Variants in ST6GALNAC6 observed in about 807,000 individuals in gnomAD.
The protein encoded by ST6GALNAC6 is ST6 N-acetylgalactosaminide alpha-2,6-sialyltransferase 6.
In ST6GALNAC6, 19 loss-of-function variants were observed where a neutral mutation model predicts 34.3. That is an observed-to-expected ratio of 0.55 (90% CI 0.39 to 0.81). ST6GALNAC6 has a LOEUF of 0.81. ST6GALNAC6 is among the 40% of genes least tolerant of loss of function. The pLI is 0.00. For synonymous variants in ST6GALNAC6, 185 were observed against 182.1 expected (o/e 1.02, Z -0.13); for missense variants, 377 against 467.7 (o/e 0.81, Z 1.79).
upstream of ST6GALNAC6, among the ~76,000 whole-genome samples, chr9:127,901,569 C>T (rs113801474): frequency 4.3e-3 from 649 of 152,064 alleles, 2 homozygotes; most frequent in African/African-American, 0.015. Flanking sequence ...GAGCCCAGAT[C>T]GTGCCACTGC....
At chr9:127,897,255 G>T in intron 2 of ST6GALNAC6, 1 of 985,968 alleles carries the variant, frequency 1.0e-6, no homozygotes. Context: ...AGACAGGCCG[G>T]GGGCAGGGCG....
intron 2 of ST6GALNAC6, 67 bp from the exon 3 acceptor site, chr9:127,896,399 C>T: frequency 7.4e-7 from 1 of 1,359,370 alleles, no homozygotes. Flanking sequence ...AAGGCTACAC[C>T]TTCTCTGCCC....
chr9:127,896,105 G>C, intron 3 of ST6GALNAC6, 137 bp downstream of exon 3: 1 of 995,620 alleles, frequency 1.0e-6, no homozygotes. Context: ...CTTAAATCTG[G>C]GCCTCCCAGG....
intron 4 of ST6GALNAC6, among the ~76,000 whole-genome samples, chr9:127,892,415 G>A (rs1830202888): frequency 6.6e-6 from 1 of 152,234 alleles, no homozygotes; most frequent in Non-Finnish European, 1.5e-5. Flanking sequence ...AACTGAGACA[G>A]AGGCCTGGAC....
At chr9:127,905,717 C>T (rs1564498303), upstream of ST6GALNAC6, among the ~76,000 whole-genome samples, 1 of 152,210 alleles carries the variant, frequency 6.6e-6, no homozygotes, top group Non-Finnish European at 1.5e-5. Context: ...CTGCTATGTC[C>T]TAAGCCATGG....
upstream of ST6GALNAC6, chr9:127,906,175 A>G (rs573368321): frequency 1.8e-4 from 41 of 231,608 alleles, no homozygotes; most frequent in South Asian, 3.1e-4. Flanking sequence ...GGTCACCCAG[A>G]GCCCCCGGGA....
At chr9:127,893,589 C>T (rs1830274888) in intron 4 of ST6GALNAC6, among the ~76,000 whole-genome samples, 1 of 152,230 alleles carries the variant, frequency 6.6e-6, no homozygotes, top group South Asian at 2.1e-4. Context: ...GGCACTCCCA[C>T]TTTTCTGAGT....
At chr9:127,893,119 A>G (rs1830246731) in intron 4 of ST6GALNAC6, among the ~76,000 whole-genome samples, 1 of 152,228 alleles carries the variant, frequency 6.6e-6, no homozygotes, top group South Asian at 2.1e-4. Context: ...TGAGATGTGA[A>G]GGATGAAGAA....
At position 127,890,075 on chromosome 9, in the gene ST6GALNAC6, G is replaced by C. The variant is rs1170657309; in HGVS notation, c.704+562C>G. On this transcript the variant is annotated intron_variant, in intron 5 of 6. Coordinates refer to ENST00000373146, the MANE Select transcript of ST6GALNAC6 (RefSeq NM_013443.5). The surrounding 1 kb of genome is among the most constrained non-coding windows in gnomAD (Gnocchi z 4.3). ...GCCTCCTGAGTAGCTAGGACTACAG[G>C]TACAAGCCACCGCACACAGCTATTC... 6.6e-6 allele frequency among the ~76,000 whole-genome samples: 1 copy of C among 152,152 alleles called. No individual in the cohort carries two copies. The highest frequency in any genetic ancestry group is 1.5e-5 in the Non-Finnish European group (1 of 68,032).
At chr9:127,902,929 A>T (rs1219007900), upstream of ST6GALNAC6, 1 of 148,972 alleles carries the variant, frequency 6.7e-6, no homozygotes, top group Non-Finnish European at 1.5e-5. Flanking sequence ...TTATATATTT[A>T]AAAATGTATT....
Position 127,890,811 on chromosome 9 carries a change from T to G in ST6GALNAC6, c.530A>C (p.Glu177Ala), listed in dbSNP as rs1430040366. Residue 177 changes from glutamate (E) to alanine (A), a missense_variant, in exon 5 of 7, where the codon GAA (glutamate) becomes GCA (alanine). Transcript: ENST00000373146. This position sits in a 1 kb window ranked among gnomAD's most constrained non-coding sequence, Gnocchi z 4.3. Reference sequence around the variant, plus strand: ...GGGCCCCCAGAAGATGAACACGGTTTCAGGGGTCCGGTTGACAAACTCCTG... The same window carrying G: ...GGGCCCCCAGAAGATGAACACGGTTGCAGGGGTCCGGTTGACAAACTCCTG... ...RPQEFVNRTP[E>A]TVFIFWGPPS... is the part of the protein sequence containing the mutation. 1 of 1,613,768 alleles carries G rather than the reference T, an allele frequency of 6.2e-7. No individual in the cohort carries two copies. Among genetic ancestry groups the G allele is most frequent in the Admixed American group, 1.7e-5 (1 of 60,020 alleles).
At chr9:127,901,176 A>G (rs1313186770), upstream of ST6GALNAC6, among the ~76,000 whole-genome samples, 3 of 152,212 alleles carry the variant, frequency 2.0e-5, no homozygotes, top group Non-Finnish European at 4.4e-5. Flanking sequence ...ATTGTTTTAT[A>G]CAATGGAAGG....
chr9:127,905,883 G>A (rs531481056), upstream of ST6GALNAC6: 17 of 962,004 alleles, frequency 1.8e-5, 1 homozygote, highest in South Asian at 4.8e-4. Flanking sequence ...CCCTCCCTCT[G>A]AGCCCGGAAA....
chr9:127,903,686 G>A (rs1031626970), upstream of ST6GALNAC6: 2 of 152,102 alleles, frequency 1.3e-5, no homozygotes, highest in African/African-American at 2.4e-5. Context: ...GGCCCTCCTA[G>A]GTCGCCGACC....
intron 5 of ST6GALNAC6, 79 bp from the exon 6 acceptor site, chr9:127,887,670 G>A: frequency 8.4e-7 from 1 of 1,197,318 alleles, no homozygotes; most frequent in Admixed American, 2.0e-5. Context: ...CCCACGTGGA[G>A]TTCCCTGGAA....
intron 4 of ST6GALNAC6, among the ~76,000 whole-genome samples, chr9:127,893,573 T>A (rs1048492651): frequency 1.3e-5 from 2 of 152,182 alleles, no homozygotes; most frequent in Admixed American, 6.5e-5. Context: ...CCCACGTACC[T>A]CGACTGGCAC....
Position 127,894,359 on chromosome 9 carries a change from G to A in ST6GALNAC6, c.297+153C>T, listed in dbSNP as rs139295711. Among the ~76,000 whole-genome samples, 772 of 152,164 alleles carry A rather than the reference G, an allele frequency of 5.1e-3. 5 individuals are homozygous for A. The highest frequency in any genetic ancestry group is 0.017 in the African/African-American group (726 of 41,534). The stretch of plus-strand genomic sequence containing the variant: ...GAACTGAGGCCCAGACAGGGGCAGC[G>A]CACTTATCCAAGGTCACACAGCAAG... On this transcript the variant is annotated intron_variant, in intron 4 of 6. Coordinates refer to ENST00000373146, the MANE Select transcript of ST6GALNAC6 (RefSeq NM_013443.5).
chr9:127,900,714 G>A (rs898919805), upstream of ST6GALNAC6, among the ~76,000 whole-genome samples: 1 of 151,968 alleles, frequency 6.6e-6, no homozygotes, highest in Non-Finnish European at 1.5e-5. Context: ...CACTTTGGGA[G>A]GCTGAGGTGG....
At chr9:127,889,270 C>T (rs1829986153) in intron 5 of ST6GALNAC6, among the ~76,000 whole-genome samples, 1 of 150,370 alleles carries the variant, frequency 6.7e-6, no homozygotes, top group South Asian at 2.1e-4. Flanking sequence ...ATCACTTGAA[C>T]CCAGGAGGTG....
Sources: allele counts gnomAD v4.1 joint callset (sites outside exome capture counted in the v4.1 genomes callset), GRCh38; gene constraint gnomAD v4.1.1; non-coding constraint Gnocchi (gnomAD v3.1); transcripts MANE v1.5; gene names NCBI Gene and HGNC (gene_info 2026-07-23, HGNC 2026-07-21).